ADD1: variants seen among roughly 807,000 people sequenced by gnomAD.
The protein encoded by ADD1 is alpha-adducin.
A neutral mutation model predicts 80.5 loss-of-function variants in ADD1; 24 were observed. That is an observed-to-expected ratio of 0.30 (90% CI 0.22 to 0.42). ADD1 has a LOEUF of 0.42. ADD1 is among the 10% of genes least tolerant of loss of function. The probability of loss-of-function intolerance (pLI) is 1.00; values close to 1 mark genes in which losing one functional copy is unlikely to be tolerated. For missense variants in ADD1, 948 were observed against 1,019.0 expected (o/e 0.93, Z 0.95); for synonymous variants, 373 against 393.8 (o/e 0.95, Z 0.63).
At chr4:2,858,721 T>C (rs1728428103) in intron 1 of ADD1, among the ~76,000 whole-genome samples, 1 of 152,240 alleles carries the variant, frequency 6.6e-6, no homozygotes, top group Non-Finnish European at 1.5e-5. Flanking sequence ...AGGCAGTGGC[T>C]CATGCCTGTA....
intron 4 of ADD1, among the ~76,000 whole-genome samples, chr4:2,888,984 A>G (rs1295427088): frequency 2.0e-5 from 3 of 152,230 alleles, no homozygotes; most frequent in Non-Finnish European, 2.9e-5. Context: ...TGGTTGTGTA[A>G]TACTTTTTAA....
At chr4:2,873,214 A>G (rs1449636575) in intron 1 of ADD1, among the ~76,000 whole-genome samples, 11 of 152,134 alleles carry the variant, frequency 7.2e-5, no homozygotes, top group Admixed American at 2.0e-4. Flanking sequence ...GCTGGTTTCA[A>G]TCTCCTGAGC....
chr4:2,894,811 T>C, intron 6 of ADD1, 80 bp downstream of exon 6: 1 of 1,442,392 alleles, frequency 6.9e-7, no homozygotes, highest in Non-Finnish European at 9.3e-7. Context: ...GAATTGCCCT[T>C]GTTGTTTATA....
chr4:2,864,150 C>G (rs777456525), intron 1 of ADD1, among the ~76,000 whole-genome samples: 1 of 152,098 alleles, frequency 6.6e-6, no homozygotes, highest in African/African-American at 2.4e-5. Context: ...TGGTGGCTCA[C>G]GCCTTTAATC....
chr4:2,882,291 A>G (rs1732485600), intron 3 of ADD1, among the ~76,000 whole-genome samples: 1 of 152,242 alleles, frequency 6.6e-6, no homozygotes, highest in Non-Finnish European at 1.5e-5. Flanking sequence ...TTTCCGAGGC[A>G]GATGACTTTT....
chr4:2,893,900 C>G, intron 4 of ADD1, 113 bp from the exon 5 acceptor site: 1 of 929,626 alleles, frequency 1.1e-6, no homozygotes, highest in East Asian at 2.4e-5. Flanking sequence ...TGCATGGACG[C>G]TTCCCTGCAT....
chr4:2,882,235 A>G (rs529207799), intron 3 of ADD1, among the ~76,000 whole-genome samples, 175 bp downstream of exon 3: 2 of 152,366 alleles, frequency 1.3e-5, no homozygotes, highest in South Asian at 4.1e-4. Flanking sequence ...TTCTGAAATC[A>G]TCTTGAATGT....
At chr4:2,919,456 C>G (rs540773277) in intron 14 of ADD1, among the ~76,000 whole-genome samples, 1 of 152,044 alleles carries the variant, frequency 6.6e-6, no homozygotes, top group Non-Finnish European at 1.5e-5. Context: ...GCTGTGAATC[C>G]GTCTGGTCCT....
At chr4:2,851,349 T>C (rs1727047410) in intron 1 of ADD1, among the ~76,000 whole-genome samples, 7 of 152,246 alleles carry the variant, frequency 4.6e-5, no homozygotes, top group Admixed American at 4.6e-4. Context: ...TGTGAGGCTG[T>C]GGTAAGCAAA....
At chr4:2,866,124 T>C (rs1446449811) in intron 1 of ADD1, among the ~76,000 whole-genome samples, 1 of 152,240 alleles carries the variant, frequency 6.6e-6, no homozygotes, top group African/African-American at 2.4e-5. Context: ...TTTAAGAGTA[T>C]GCTGATTGAT....
chr4:2,849,054 C>T (rs770140395), intron 1 of ADD1, among the ~76,000 whole-genome samples: 4 of 152,076 alleles, frequency 2.6e-5, no homozygotes, highest in Non-Finnish European at 4.4e-5. Flanking sequence ...TTTTACTTTC[C>T]GTAGATGTTT....
chr4:2,873,960 A>G (rs1439509341), intron 1 of ADD1, among the ~76,000 whole-genome samples: 1 of 152,228 alleles, frequency 6.6e-6, no homozygotes, highest in Non-Finnish European at 1.5e-5. Context: ...CTGTAATCCC[A>G]GCACTGTGGA....
At chr4:2,852,320 CT>C (rs1727397384) in intron 1 of ADD1, among the ~76,000 whole-genome samples, 2 of 71,988 alleles carry the variant, frequency 2.8e-5, no homozygotes, top group Non-Finnish European at 2.9e-5. Flanking sequence ...TTTTTCTTTT[CT>C]TTTCTTTCTT....
In ADD1 at chr4:2,907,782, G is replaced by A; in HGVS notation, c.1546G>A (p.Val516Ile). 6.2e-7 allele frequency: 1 copy of A among 1,614,144 alleles called. No homozygotes were observed. Among genetic ancestry groups the A allele is most frequent in the South Asian group, 1.1e-5 (1 of 91,084 alleles). Residue 516 changes from valine to isoleucine, a missense_variant, in exon 11 of 16, where the codon GTC (valine) becomes ATC (isoleucine). Coordinates refer to ENST00000683351, the MANE Select transcript of ADD1 (RefSeq NM_001354761.2). ...TGGACATAGAACTTCCACCTCTGCT[G>A]TCCCTAACCTGTTTGTTCCATTGAA... The part of the protein sequence containing the change: ...EDGHRTSTSA[V>I]PNLFVPLNTN...
chr4:2,915,802 C>T (rs1432336017), intron 14 of ADD1, among the ~76,000 whole-genome samples: 1 of 151,882 alleles, frequency 6.6e-6, no homozygotes, highest in Non-Finnish European at 1.5e-5. Context: ...CTAGCCTGGG[C>T]ATCTCAAAAA....
intron 2 of ADD1, among the ~76,000 whole-genome samples, chr4:2,878,767 G>T (rs2108909440): frequency 6.6e-6 from 1 of 152,250 alleles, no homozygotes; most frequent in Admixed American, 6.5e-5. Context: ...TCCAGCCTGG[G>T]GCTTGAGGTT....
At chr4:2,879,301 T>G (rs1405949296) in intron 2 of ADD1, among the ~76,000 whole-genome samples, 2 of 152,188 alleles carry the variant, frequency 1.3e-5, no homozygotes, top group Non-Finnish European at 2.9e-5. Flanking sequence ...TCTGAAATGC[T>G]CTTTATGCAT....
At chr4:2,851,979 C>T (rs1431414108) in intron 1 of ADD1, among the ~76,000 whole-genome samples, 1 of 152,006 alleles carries the variant, frequency 6.6e-6, no homozygotes, top group African/African-American at 2.4e-5. Flanking sequence ...GCTGAGATTA[C>T]AGGCATGCAT....
chr4:2,898,400 C>CA (rs1247748855), intron 7 of ADD1, 33 bp from the exon 8 acceptor site: 24 of 1,613,582 alleles, frequency 1.5e-5, no homozygotes, highest in Non-Finnish European at 1.3e-5. Flanking sequence ...GTCTTCCTGC[C>CA]CAGCTCCACA....
Sources: gnomAD v4.1 joint callset for allele counts (sites outside exome capture counted in the v4.1 genomes callset) on GRCh38, gnomAD v4.1.1 for gene constraint, MANE v1.5 for transcripts, NCBI Gene and HGNC (gene_info 2026-07-23, HGNC 2026-07-21) for gene names.